ENTPD1: variants seen among roughly 807,000 people sequenced by gnomAD.
ENTPD1 encodes the protein ectonucleoside triphosphate diphosphohydrolase 1.
ENTPD1 carries 33 observed loss-of-function variants against 57.0 expected under a neutral mutation model. That is an observed-to-expected ratio of 0.58 (90% CI 0.44 to 0.77). ENTPD1 has a LOEUF of 0.77. Ranked by LOEUF, ENTPD1 falls within the 30% of genes least tolerant of loss-of-function variation. ENTPD1 has a pLI of 0.00. For missense variants in ENTPD1, 501 were observed against 603.4 expected (o/e 0.83, Z 1.78); for synonymous variants, 202 against 218.8 (o/e 0.92, Z 0.68).
chr10:95,809,789 A>T, intron 1 of ENTPD1, among the ~76,000 whole-genome samples: 1 of 146,428 alleles, frequency 6.8e-6, no homozygotes, highest in Non-Finnish European at 1.5e-5. Context: ...CACCTCCCAG[A>T]CGGGGCGGCG....
chr10:95,735,025 A>ATTT (rs376795429), intron 1 of ENTPD1, among the ~76,000 whole-genome samples: 5 of 126,768 alleles, frequency 3.9e-5, no homozygotes, highest in African/African-American at 8.8e-5. Context: ...ATGAAAATAG[A>ATTT]TTTTTTTTTT....
intron 1 of ENTPD1, among the ~76,000 whole-genome samples, chr10:95,730,099 C>T (rs1392794932): frequency 3.9e-5 from 6 of 152,152 alleles, no homozygotes; most frequent in Non-Finnish European, 5.9e-5. Context: ...TGCAGTGACA[C>T]GATTACAGCT....
At chr10:95,696,008 T>C in the ENTPD1 span, among the ~76,000 whole-genome samples, 1 of 152,172 alleles carries the variant, frequency 6.6e-6, no homozygotes, top group Non-Finnish European at 1.5e-5. Context: ...TATTTTAGAT[T>C]TCAAAGTTTG....
intron 2 of ENTPD1, 82 bp downstream of exon 2, chr10:95,823,446 G>A (rs565211779): frequency 6.3e-7 from 1 of 1,599,682 alleles, no homozygotes; most frequent in Admixed American, 1.7e-5. Context: ...AAGGTATGTA[G>A]AGCATAGGGG....
chr10:95,708,684 C>T (rs571067264), upstream of ENTPD1, among the ~76,000 whole-genome samples: 2 of 152,126 alleles, frequency 1.3e-5, no homozygotes, highest in South Asian at 2.1e-4. Flanking sequence ...TGAGGTAGTT[C>T]TTTATTTAGT....
intron 2 of ENTPD1, among the ~76,000 whole-genome samples, chr10:95,838,390 C>G (rs774345887): frequency 2.0e-5 from 3 of 152,114 alleles, no homozygotes; most frequent in Non-Finnish European, 4.4e-5. Context: ...CCAGTAGCCC[C>G]AAACTGGAAA....
At chr10:95,757,263 C>T (rs2098030765) in intron 1 of ENTPD1, among the ~76,000 whole-genome samples, 1 of 152,224 alleles carries the variant, frequency 6.6e-6, no homozygotes, top group South Asian at 2.1e-4. Flanking sequence ...TAGCATATTA[C>T]ATGTGCTACT....
intron 1 of ENTPD1, among the ~76,000 whole-genome samples, chr10:95,746,064 A>G (rs3938778): frequency 0.16 from 24,261 of 152,176 alleles, 2,506 homozygotes; most frequent in African/African-American, 0.28. Flanking sequence ...CCTTTGTGCT[A>G]TAGAAGGGAA....
Position 95,869,138 on chromosome 10 carries a change from A to T in ENTPD1, c.*2755A>T. The T allele has an allele frequency of 3.0e-6, 3 of 985,188 alleles. No homozygotes were observed. Among genetic ancestry groups the T allele is most frequent in the Non-Finnish European group, 3.6e-6 (3 of 829,892 alleles). The allele number at this position is 985,188 out of a possible 1,614,324, so 61.0% of individuals were successfully genotyped here. A position where few individuals can be genotyped will look rare whatever the true frequency, so the allele number is the denominator to read the frequency against. On this transcript the variant is annotated 3_prime_UTR_variant, in exon 10 of 10. Coordinates refer to ENST00000371205, the MANE Select transcript of ENTPD1 (RefSeq NM_001776.6). ...CCAGGACTCAAAACTTGGTTCTGCTAACCCTGTTCCTTTATGAGGAACCTT... is the reference window on the plus strand; with the variant it reads ...CCAGGACTCAAAACTTGGTTCTGCTTACCCTGTTCCTTTATGAGGAACCTT...
intron 2 of ENTPD1, among the ~76,000 whole-genome samples, chr10:95,834,544 A>G (rs2098404907): frequency 6.6e-6 from 1 of 152,174 alleles, no homozygotes; most frequent in Non-Finnish European, 1.5e-5. Context: ...GAAGAGGGTG[A>G]AATATTCTAC....
intron 1 of ENTPD1, among the ~76,000 whole-genome samples, chr10:95,734,039 A>G (rs1326370000): frequency 6.6e-6 from 1 of 152,286 alleles, no homozygotes; most frequent in African/African-American, 2.4e-5. Context: ...GGACAGCTGC[A>G]TGGTGTCTCA....
chr10:95,877,164 T>C lies in ENTPD1; in HGVS notation c.*10781T>C, dbSNP rs1167401222. ...AGTCTCCTAGAATATTTCATTGGCATTGAGAAGGTGGAAAATGCAAATTAT... is the reference window on the plus strand; with the variant it reads ...AGTCTCCTAGAATATTTCATTGGCACTGAGAAGGTGGAAAATGCAAATTAT... On this transcript the variant is annotated 3_prime_UTR_variant, in exon 10 of 10. Transcript: ENST00000371205. Among the ~76,000 whole-genome samples, 2 of 152,196 alleles carry C rather than the reference T, an allele frequency of 1.3e-5. No homozygotes were observed. The highest frequency in any genetic ancestry group is 1.9e-4 in the East Asian group (1 of 5,206).
chr10:95,831,124 A>G (rs544938267), intron 2 of ENTPD1, among the ~76,000 whole-genome samples: 1 of 152,300 alleles, frequency 6.6e-6, no homozygotes, highest in Non-Finnish European at 1.5e-5. Flanking sequence ...TTTTAAGATT[A>G]AGATGGAACA....
rs2098485117 is a variant in ENTPD1, at chr10:95,875,785, A to T, written c.*9402A>T. 1 of 173,684 alleles carries T rather than the reference A, an allele frequency of 5.8e-6. No homozygotes were observed. Among genetic ancestry groups the T allele is most frequent in the Admixed American group, 6.4e-5 (1 of 15,590 alleles). 10.8% of individuals were successfully genotyped at this position (173,684 alleles called of 1,614,324 possible). Reference sequence around the variant, plus strand: ...GGCAGCAGCAAGAGAAAAATGAAGAAGCAGCAAAAGCAGAAACCCCTGATA... The same window carrying T: ...GGCAGCAGCAAGAGAAAAATGAAGATGCAGCAAAAGCAGAAACCCCTGATA... On this transcript the variant is annotated 3_prime_UTR_variant, in exon 10 of 10. Coordinates refer to ENST00000371205, the MANE Select transcript of ENTPD1 (RefSeq NM_001776.6).
chr10:95,763,382 G>T lies in ENTPD1; in HGVS notation c.16+7127G>T, dbSNP rs182216269. Among the ~76,000 whole-genome samples, 277 of 152,102 alleles carry T rather than the reference G, an allele frequency of 1.8e-3. 5 individuals are homozygous for T. Among genetic ancestry groups the T allele is most frequent in the African/African-American group, 6.2e-3 (256 of 41,494 alleles). On this transcript the variant is annotated intron_variant, in intron 1 of 9. Coordinates refer to ENST00000371205, the MANE Select transcript of ENTPD1 (RefSeq NM_001776.6). Reference sequence around the variant, plus strand: ...TTGTAAATGATTTTTATTTTTGTTTGCCATTATAATTAATTTTTCATTTTT... The same window carrying T: ...TTGTAAATGATTTTTATTTTTGTTTTCCATTATAATTAATTTTTCATTTTT...
chr10:95,873,286 G>T lies in ENTPD1; in HGVS notation c.*6903G>T. The T allele has an allele frequency of 1.0e-6, 1 of 985,410 alleles. No individual in the cohort carries two copies. Among genetic ancestry groups the T allele is most frequent in the Non-Finnish European group, 1.2e-6 (1 of 829,946 alleles). 61.0% of individuals were successfully genotyped at this position (985,410 alleles called of 1,614,324 possible). A position where few individuals can be genotyped will look rare whatever the true frequency, so the allele number is the denominator to read the frequency against. The stretch of plus-strand genomic sequence containing the variant: ...TCACAGGCATTCTGTTCCACAGCAG[G>T]CCAGCTAACGTGGTATTTACAAAGC... On this transcript the variant is annotated 3_prime_UTR_variant, in exon 10 of 10. Transcript: ENST00000371205.
At chr10:95,742,223 A>G (rs1226685107) in intron 1 of ENTPD1, among the ~76,000 whole-genome samples, 2 of 152,192 alleles carry the variant, frequency 1.3e-5, no homozygotes, top group African/African-American at 2.4e-5. Context: ...TATTAATACA[A>G]TTCTGGGGCA....
chr10:95,756,206 C>T lies in ENTPD1; in HGVS notation c.-34C>T. 6.3e-7 allele frequency: 1 copy of T among 1,582,202 alleles called. No homozygotes were observed. Among genetic ancestry groups the T allele is most frequent in the Non-Finnish European group, 8.6e-7 (1 of 1,164,464 alleles). ...AAGCAGAGGCTGGGGGGGGGAAAGA[C>T]GAGGAAAGAGGAGGAAAACAAAAGC... On this transcript the variant is annotated 5_prime_UTR_variant, in exon 1 of 10. In the 5' UTR this introduces an upstream ATG that the reference lacks. Coordinates refer to ENST00000371205, the MANE Select transcript of ENTPD1 (RefSeq NM_001776.6).
chr10:95,836,570 TCTTTA>T (rs2098410251), intron 2 of ENTPD1, among the ~76,000 whole-genome samples: 1 of 152,184 alleles, frequency 6.6e-6, no homozygotes, highest in African/African-American at 2.4e-5. Context: ...CTTACTGCTT[TCTTTA>T]AAGGATATAC....
Sources: gnomAD v4.1 joint callset for allele counts (sites outside exome capture counted in the v4.1 genomes callset) on GRCh38, gnomAD v4.1.1 for gene constraint, MANE v1.5 for transcripts, NCBI Gene and HGNC (gene_info 2026-07-23, HGNC 2026-07-21) for gene names.